The following TNIP2 variants were observed in gnomAD, a reference collection of about 807,000 sequenced individuals.
TNIP2 encodes TNFAIP3 interacting protein 2.
A neutral mutation model predicts 43.7 loss-of-function variants in TNIP2; 30 were observed. That is an observed-to-expected ratio of 0.69 (90% CI 0.51 to 0.93). The LOEUF (loss-of-function observed/expected upper bound fraction) is 0.93, where lower values mean the gene tolerates loss of function less well. Ranked by LOEUF, TNIP2 falls within the 40% of genes least tolerant of loss-of-function variation. The pLI, the probability that TNIP2 is intolerant of heterozygous loss-of-function variation, is 0.00. For missense variants in TNIP2, 599 were observed against 591.0 expected (o/e 1.01, Z -0.14); for synonymous variants, 260 against 254.6 (o/e 1.02, Z -0.20).
rs1312404086 is a variant in TNIP2 at position 2,744,212 on chromosome 4, A to G, written c.1026+175T>C. Reference sequence around the variant, plus strand: ...AAACAGTATAACAGGGAGGCTTTCCATGACCACGCCCAGGTACCAGGCCAG... The same window carrying G: ...AAACAGTATAACAGGGAGGCTTTCCGTGACCACGCCCAGGTACCAGGCCAG... On this transcript the variant is annotated intron_variant, in intron 5 of 5. Coordinates refer to ENST00000315423, the MANE Select transcript of TNIP2 (RefSeq NM_024309.4). The surrounding 1 kb of genome is among the most constrained non-coding windows in gnomAD (Gnocchi z 5.1). Among the ~76,000 whole-genome samples the G allele has an allele frequency of 1.3e-5, 2 of 152,108 alleles. No individual in the cohort carries two copies. The highest frequency in any genetic ancestry group is 4.8e-5 in the African/African-American group (2 of 41,414).
chr4:2,744,126 C>T lies in TNIP2; in HGVS notation c.1026+261G>A, dbSNP rs529934550. 3.3e-5 allele frequency among the ~76,000 whole-genome samples: 5 copies of T among 152,266 alleles called. No individual in the cohort carries two copies. The highest frequency in any genetic ancestry group is 3.9e-4 in the East Asian group (2 of 5,182). On this transcript the variant is annotated intron_variant, in intron 5 of 5. Transcript: ENST00000315423. This position sits in a 1 kb window ranked among gnomAD's most constrained non-coding sequence, Gnocchi z 5.1. ...TCTCTGACTGCATGACAGTGACGGA[C>T]GGGCCCTGAGGACAGCCACCTCTGC...
At chr4:2,750,411 T>TTA (rs1361511590) in intron 1 of TNIP2, among the ~76,000 whole-genome samples, 1 of 148,908 alleles carries the variant, frequency 6.7e-6, no homozygotes, top group East Asian at 2.0e-4. Context: ...ATTATTATTA[T>TTA]TATTATTATT....
At chr4:2,754,342 T>A (rs1469364504) in intron 1 of TNIP2, among the ~76,000 whole-genome samples, 1 of 152,252 alleles carries the variant, frequency 6.6e-6, no homozygotes, top group Admixed American at 6.5e-5. Context: ...GCTGTTGTGG[T>A]GTTATAGTTT....
chr4:2,747,689 GCATGCTGTCGTT>G lies in TNIP2; in HGVS notation c.521_532del (p.Glu174_His177del), dbSNP rs749975525. 1.9e-6 allele frequency: 3 copies of G among 1,600,990 alleles called. No individual in the cohort carries two copies. Among genetic ancestry groups the G allele is most frequent in the Non-Finnish European group, 2.5e-6 (3 of 1,179,636 alleles). ...ACTTCTCTCCCCCACATTCCTTTGT[GCATGCTGTCGTT>G]CATCCAGACACTTGGCCAGATGCTG... On this transcript the variant is annotated inframe_deletion, in exon 2 of 6. Transcript: ENST00000315423.
chr4:2,745,633 C>CT, intron 2 of TNIP2, 98 bp from the exon 3 acceptor site: 1 of 803,534 alleles, frequency 1.2e-6, no homozygotes, highest in African/African-American at 1.7e-5. Context: ...ATCACTGCGT[C>CT]CCCCAGTGCA....
At position 2,744,673 on chromosome 4, in the gene TNIP2, G is replaced by T; in HGVS notation, c.906+24C>A. On this transcript the variant is annotated intron_variant, in intron 4 of 5. Transcript: ENST00000315423. The surrounding 1 kb of genome is among the most constrained non-coding windows in gnomAD (Gnocchi z 5.1). ...GGCCAGCAGACATCTGGTCAGTGCC[G>T]TCCGGAGCCCGAGGGACAGACACCT... is the stretch of plus-strand genomic sequence containing the variant. 6.3e-7 allele frequency: 1 copy of T among 1,594,172 alleles called. No individual in the cohort carries two copies. The highest frequency in any genetic ancestry group is 1.1e-5 in the South Asian group (1 of 90,030).
chr4:2,742,652 G>A, intron 5 of TNIP2, 132 bp from the exon 6 acceptor site: 1 of 953,392 alleles, frequency 1.0e-6, no homozygotes, highest in Non-Finnish European at 1.5e-6. Flanking sequence ...GCTTCCTGCT[G>A]CGCCCCAGAG....
In TNIP2 at chr4:2,745,555, A is replaced by C. The variant is rs755278081; in HGVS notation, c.568-20T>G. On this transcript the variant is annotated intron_variant, in intron 2 of 5. Transcript: ENST00000315423. ...TTCCGACTGCATGAGGAAGGGACAGAGAGAAGACACTCTGTCACATACAGC... is the reference window on the plus strand; with the variant it reads ...TTCCGACTGCATGAGGAAGGGACAGCGAGAAGACACTCTGTCACATACAGC... 3.2e-6 allele frequency: 5 copies of C among 1,581,772 alleles called. No homozygotes were observed. Among genetic ancestry groups the C allele is most frequent in the Non-Finnish European group, 4.3e-6 (5 of 1,151,412 alleles).
chr4:2,743,084 C>A (rs1253074390), intron 5 of TNIP2, among the ~76,000 whole-genome samples: 2 of 152,200 alleles, frequency 1.3e-5, no homozygotes, highest in Non-Finnish European at 2.9e-5. Flanking sequence ...TCACTGCTTG[C>A]CTGGGAACTT....
chr4:2,755,932 C>A (rs897489700), intron 1 of TNIP2, 82 bp downstream of exon 1: 23 of 1,418,446 alleles, frequency 1.6e-5, no homozygotes, highest in Non-Finnish European at 2.0e-5. Context: ...GGACCCGGGG[C>A]CCGCTCGCTC....
rs1721805849 is a variant in TNIP2, at chr4:2,742,158, C to G, written c.*99G>C. On this transcript the variant is annotated 3_prime_UTR_variant, in exon 6 of 6. Coordinates refer to ENST00000315423, the MANE Select transcript of TNIP2 (RefSeq NM_024309.4). ...CGCAACTATTCTAGGGGCCTTGGCT[C>G]TCAGTAGAGCTCAACCCATGGCATC... is the stretch of plus-strand genomic sequence containing the variant. 6.6e-6 allele frequency: 8 copies of G among 1,221,044 alleles called. No individual in the cohort carries two copies. Among genetic ancestry groups the G allele is most frequent in the Non-Finnish European group, 8.6e-6 (8 of 934,726 alleles). 75.6% of individuals were successfully genotyped at this position (1,221,044 alleles called of 1,614,324 possible).
chr4:2,751,325 G>T (rs1485571395), intron 1 of TNIP2, among the ~76,000 whole-genome samples: 1 of 152,184 alleles, frequency 6.6e-6, no homozygotes, highest in African/African-American at 2.4e-5. Context: ...CATCTCTCAG[G>T]AAAGCCTGTC....
intron 5 of TNIP2, among the ~76,000 whole-genome samples, chr4:2,742,951 T>G (rs555662364): frequency 6.6e-6 from 1 of 152,304 alleles, no homozygotes; most frequent in Admixed American, 6.5e-5. Flanking sequence ...CTGAGCACTC[T>G]GGGGCTCAGG....
chr4:2,753,641 T>C (rs1722155870), intron 1 of TNIP2, among the ~76,000 whole-genome samples: 1 of 152,176 alleles, frequency 6.6e-6, no homozygotes, highest in South Asian at 2.1e-4. Context: ...GGCCACCGAC[T>C]GCAAGTATAC....
Position 2,744,482 on chromosome 4 carries a change from T to A in TNIP2, c.931A>T (p.Met311Leu). 6.2e-7 allele frequency: 1 copy of A among 1,614,150 alleles called. No individual in the cohort carries two copies. Among genetic ancestry groups the A allele is most frequent in the Non-Finnish European group, 8.5e-7 (1 of 1,180,010 alleles). ...QQILAYKDDF[M>L]SERADRERAQ... ...CGTTCCCGATCGGCCCTTTCTGACA[T>A]GAAGTCATCCTTGTAAGCGAGAATC... Residue 311 changes from methionine to leucine, a missense_variant, in exon 5 of 6, where the codon ATG becomes TTG. Physicochemically the swap from Met to Leu is conservative, Grantham distance 15. Coordinates refer to ENST00000315423, the MANE Select transcript of TNIP2 (RefSeq NM_024309.4). This position sits in a 1 kb window ranked among gnomAD's most constrained non-coding sequence, Gnocchi z 5.1.
At chr4:2,745,014 G>T (rs1721907796) in intron 3 of TNIP2, 69 bp from the exon 4 acceptor site, 5 of 1,533,568 alleles carry the variant, frequency 3.3e-6, no homozygotes, top group Non-Finnish European at 4.4e-6. Flanking sequence ...AGCACCCAGT[G>T]TGAATTATGT....
Position 2,744,961 on chromosome 4 carries a change from C to T in TNIP2, c.658-16G>A, listed in dbSNP as rs780377052. 3 of 1,592,840 alleles carry T rather than the reference C, an allele frequency of 1.9e-6. No homozygotes were observed. Among genetic ancestry groups the T allele is most frequent in the African/African-American group, 1.3e-5 (1 of 74,542 alleles). ...GGTCTTCAACCTGAAGAGGTGGAGC[C>T]GGAAAGCTCACGGTGAAGGCAGCTG... On this transcript the variant is annotated splice_polypyrimidine_tract_variant and intron_variant, in intron 3 of 5. Transcript: ENST00000315423. The surrounding 1 kb of genome is among the most constrained non-coding windows in gnomAD (Gnocchi z 5.1).
chr4:2,752,759 A>G (rs1722134562), intron 1 of TNIP2, among the ~76,000 whole-genome samples: 1 of 152,210 alleles, frequency 6.6e-6, no homozygotes, highest in African/African-American at 2.4e-5. Flanking sequence ...AAAATACCAG[A>G]TAAGGCCAGC....
In TNIP2 at chr4:2,747,878, G is replaced by A. The variant is rs1309499943; in HGVS notation, c.344C>T (p.Pro115Leu). The change falls in exon 2 of 6, where the codon CCC (proline) becomes CTC (leucine). Residue 115 changes from proline to leucine, a missense_variant. Transcript: ENST00000315423. ...GACTTCCTTCTCTCGCTCGTGTTGGGGCTGGCTCAGCAGCTGCTGCATCTC... is the reference window on the plus strand; with the variant it reads ...GACTTCCTTCTCTCGCTCGTGTTGGAGCTGGCTCAGCAGCTGCTGCATCTC... ...EREMQQLLSQ[P>L]QHEREKEVVL... 2 of 1,613,768 alleles carry A rather than the reference G, an allele frequency of 1.2e-6. No homozygotes were observed. The highest frequency in any genetic ancestry group is 1.7e-6 in the Non-Finnish European group (2 of 1,180,044).
Sources: allele counts gnomAD v4.1 joint callset (sites outside exome capture counted in the v4.1 genomes callset), GRCh38; gene constraint gnomAD v4.1.1; non-coding constraint Gnocchi (gnomAD v3.1); transcripts MANE v1.5; gene names NCBI Gene and HGNC (gene_info 2026-07-23, HGNC 2026-07-21).